Variants in PSMA4 observed in about 807,000 individuals in gnomAD.
PSMA4 encodes the protein proteasome 20S subunit alpha 4.
Under a neutral mutation model 37.2 loss-of-function variants are expected in PSMA4, and 8 were observed. The ratio of observed to expected loss-of-function variants is 0.22; its 90% CI spans 0.13 to 0.39. The LOEUF (loss-of-function observed/expected upper bound fraction) is 0.39. Among genes scored for constraint, PSMA4 ranks in the 10% least tolerant of loss-of-function variants. PSMA4 has a pLI of 1.00. For missense variants in PSMA4, 169 were observed against 305.1 expected (o/e 0.55, Z 3.32); for synonymous variants, 93 against 98.8 (o/e 0.94, Z 0.35).
chr15:78,542,007 GA>G (rs2052462095), intron 2 of PSMA4, 77 bp downstream of exon 2: 7 of 1,526,192 alleles, frequency 4.6e-6, no homozygotes, highest in Non-Finnish European at 6.3e-6. Context: ...ACTTGAGTGG[GA>G]AAATTGAAAT....
At chr15:78,548,600 A>C (rs921032896) in intron 8 of PSMA4, among the ~76,000 whole-genome samples, 190 bp from the exon 9 acceptor site, 1 of 152,224 alleles carries the variant, frequency 6.6e-6, no homozygotes, top group Non-Finnish European at 1.5e-5. Flanking sequence ...AAAAATTATA[A>C]TTAAAACATT....
In PSMA4 at chr15:78,549,326, CTCTG is replaced by C. The variant is rs1170087232; in HGVS notation, c.*387_*390del. On this transcript the variant is annotated 3_prime_UTR_variant, in exon 9 of 9. Coordinates refer to ENST00000044462, the MANE Select transcript of PSMA4 (RefSeq NM_002789.6). ...TCCTCAGGCTGGCCAGATTATTCGTCTCTGTCTGCAGGAATTGGTTTGAGAATGA... is the reference window on the plus strand; with the variant it reads ...TCCTCAGGCTGGCCAGATTATTCGTCTCTGCAGGAATTGGTTTGAGAATGA... The C allele has an allele frequency of 1.3e-5, 2 of 156,074 alleles. No homozygotes were observed. Among genetic ancestry groups the C allele is most frequent in the African/African-American group, 4.8e-5 (2 of 41,540 alleles). 9.7% of individuals were successfully genotyped at this position (156,074 alleles called of 1,614,324 possible).
rs1327804296 is a variant in PSMA4 at position 78,544,133 on chromosome 15, A to C, written c.210-57A>C. The stretch of plus-strand genomic sequence containing the variant: ...AAATTAGAATTTTTTAAATACTTAT[A>C]AACACTCCTTGCAAGCATCTTCCCT... On this transcript the variant is annotated intron_variant, in intron 4 of 8. Coordinates refer to ENST00000044462, the MANE Select transcript of PSMA4 (RefSeq NM_002789.6). The C allele has an allele frequency of 3.0e-6, 4 of 1,318,634 alleles. No homozygotes were observed. The African/African-American group carries it at 4.4e-5, about 15-fold the overall frequency. The allele number at this position is 1,318,634 out of a possible 1,614,324, so 81.7% of individuals were successfully genotyped here.
chr15:78,546,746 T>A (rs1195518524), intron 8 of PSMA4, 48 bp downstream of exon 8: 1 of 1,554,288 alleles, frequency 6.4e-7, no homozygotes, highest in South Asian at 1.2e-5. Context: ...TGAGGGAAAT[T>A]AGCAGCTGTT....
Position 78,546,563 on chromosome 15 carries a change from C to G in PSMA4, c.508-12C>G, listed in dbSNP as rs756077670. On this transcript the variant is annotated splice_polypyrimidine_tract_variant and intron_variant, in intron 7 of 8. Transcript: ENST00000044462. ...AAAAACTTAAAATTCTATGTTGATT[C>G]ATGTTTTATAGGCAGCTGTGTCAAT... 1.3e-6 allele frequency: 2 copies of G among 1,567,720 alleles called. No individual in the cohort carries two copies. The highest frequency in any genetic ancestry group is 8.6e-7 in the Non-Finnish European group (1 of 1,167,060).
chr15:78,542,666 G>C, intron 4 of PSMA4, 21 bp downstream of exon 4: 1 of 1,578,228 alleles, frequency 6.3e-7, no homozygotes. Flanking sequence ...TTTTAGGAAA[G>C]AGTTTAAAAA....
chr15:78,542,200 C>G lies in PSMA4; in HGVS notation c.27C>G (p.Thr9=). Residue 9 remains threonine (T), a synonymous_variant, in exon 3 of 9, where the codon ACC becomes ACG. Coordinates refer to ENST00000044462, the MANE Select transcript of PSMA4 (RefSeq NM_002789.6). ...AGTCTCGAAGATATGACTCCAGGACCACTATATTTTCTCCAGAAGGTAAAA... is the reference window on the plus strand; with the variant it reads ...AGTCTCGAAGATATGACTCCAGGACGACTATATTTTCTCCAGAAGGTAAAA... MSRRYDSR[T]TIFSPEGRLY... is the part of the protein sequence containing the mutation. 2.5e-6 allele frequency: 4 copies of G among 1,606,476 alleles called. No homozygotes were observed. The highest frequency in any genetic ancestry group is 3.4e-6 in the Non-Finnish European group (4 of 1,177,862).
chr15:78,541,864 G>A, intron 1 of PSMA4, 41 bp from the exon 2 acceptor site: 1 of 1,476,676 alleles, frequency 6.8e-7, no homozygotes, highest in South Asian at 1.1e-5. Flanking sequence ...TTTTTAATTT[G>A]TGAATCTTAT....
At chr15:78,546,719 T>C (rs747216906) in intron 8 of PSMA4, 21 bp downstream of exon 8, 1 of 1,583,974 alleles carries the variant, frequency 6.3e-7, no homozygotes, top group Non-Finnish European at 8.5e-7. Context: ...TCCTCTCCTT[T>C]AATTCTTTCG....
At chr15:78,546,511 A>T (rs1381338690) in intron 7 of PSMA4, 64 bp from the exon 8 acceptor site, 2 of 1,434,880 alleles carry the variant, frequency 1.4e-6, no homozygotes, top group Non-Finnish European at 1.9e-6. Context: ...TTTTTCTTCT[A>T]GACCAATTCA....
intron 8 of PSMA4, among the ~76,000 whole-genome samples, chr15:78,548,573 G>A (rs1281508350): frequency 6.6e-6 from 1 of 152,170 alleles, no homozygotes; most frequent in Non-Finnish European, 1.5e-5. Flanking sequence ...AAATGGCTGA[G>A]GAGACGATAT....
Position 78,548,774 on chromosome 15 carries a change from A to G in PSMA4, c.632-16A>G, listed in dbSNP as rs202032627. The G allele has an allele frequency of 1.4e-5, 23 of 1,600,356 alleles. No homozygotes were observed. In the East Asian group the frequency reaches 3.6e-4, roughly 25 times the overall value. The stretch of plus-strand genomic sequence containing the variant: ...GCCTGCCTGCAATACAAATAAATGT[A>G]TGTGTTTGTTTTTAGTGGAAATTGC... On this transcript the variant is annotated splice_polypyrimidine_tract_variant and intron_variant, in intron 8 of 8. Coordinates refer to ENST00000044462, the MANE Select transcript of PSMA4 (RefSeq NM_002789.6).
At chr15:78,545,466 C>T (rs985763715) in intron 6 of PSMA4, among the ~76,000 whole-genome samples, 168 bp from the exon 7 acceptor site, 4 of 152,168 alleles carry the variant, frequency 2.6e-5, no homozygotes, top group Non-Finnish European at 5.9e-5. Context: ...ATCGTAGAAA[C>T]AAAAGTCGAA....
In PSMA4 at chr15:78,549,702, C is replaced by A. The variant is rs564251416; in HGVS notation, c.*758C>A. The A allele has an allele frequency of 1.3e-5, 2 of 152,324 alleles. No individual in the cohort carries two copies. The highest frequency in any genetic ancestry group is 4.8e-5 in the African/African-American group (2 of 41,576). The allele number at this position is 152,324 out of a possible 1,614,324, so 9.4% of individuals were successfully genotyped here. ...GAATTAAAATCTCTGAGGGTGAAACCCAGTAATCTGTTCTAACAAGCTCTG... is the reference window on the plus strand; with the variant it reads ...GAATTAAAATCTCTGAGGGTGAAACACAGTAATCTGTTCTAACAAGCTCTG... On this transcript the variant is annotated 3_prime_UTR_variant, in exon 9 of 9. Transcript: ENST00000044462.
intron 2 of PSMA4, 64 bp from the exon 3 acceptor site, chr15:78,542,113 T>G: frequency 6.5e-7 from 1 of 1,538,162 alleles, no homozygotes; most frequent in East Asian, 2.2e-5. Context: ...AGATCATTTG[T>G]AGGCTTGCAG....
intron 6 of PSMA4, among the ~76,000 whole-genome samples, chr15:78,545,374 A>C (rs888485046): frequency 6.6e-6 from 1 of 152,222 alleles, no homozygotes; most frequent in Non-Finnish European, 1.5e-5. Flanking sequence ...AACATTTTCA[A>C]ATCTGGAAAC....
chr15:78,548,980 T>A lies in PSMA4; in HGVS notation c.*36T>A. 2 of 1,586,332 alleles carry A rather than the reference T, an allele frequency of 1.3e-6. No individual in the cohort carries two copies. Among genetic ancestry groups the A allele is most frequent in the Non-Finnish European group, 1.7e-6 (2 of 1,169,516 alleles). On this transcript the variant is annotated 3_prime_UTR_variant, in exon 9 of 9. Coordinates refer to ENST00000044462, the MANE Select transcript of PSMA4 (RefSeq NM_002789.6). ...TTTATTACTCATTTGGGGCACCATTTCAGTGTAAAAGCAGTCCTACTCTTC... is the reference window on the plus strand; with the variant it reads ...TTTATTACTCATTTGGGGCACCATTACAGTGTAAAAGCAGTCCTACTCTTC...
chr15:78,541,471 C>G (rs541725169), intron 1 of PSMA4: 19 of 175,404 alleles, frequency 1.1e-4, no homozygotes, highest in Non-Finnish European at 1.3e-4. Context: ...CTCATGCCCA[C>G]TAAACTATCC....
rs2052462985 is a variant in PSMA4 at position 78,542,057 on chromosome 15, G to C, written c.4-120G>C. 6 of 1,451,078 alleles carry C rather than the reference G, an allele frequency of 4.1e-6. No homozygotes were observed. The South Asian group carries it at 7.2e-5, about 18-fold the overall frequency. The allele number at this position is 1,451,078 out of a possible 1,614,324, so 89.9% of individuals were successfully genotyped here. Reference sequence around the variant, plus strand: ...TGAGAAGGTGCCTTTTTTCTTGTCAGTTTCCTCTCACCTATTGAACTTTGT... The same window carrying C: ...TGAGAAGGTGCCTTTTTTCTTGTCACTTTCCTCTCACCTATTGAACTTTGT... On this transcript the variant is annotated intron_variant, in intron 2 of 8. Transcript: ENST00000044462.
Sources: gnomAD v4.1 joint callset for allele counts (sites outside exome capture counted in the v4.1 genomes callset) on GRCh38, gnomAD v4.1.1 for gene constraint, MANE v1.5 for transcripts, NCBI Gene and HGNC (gene_info 2026-07-23, HGNC 2026-07-21) for gene names.